SHC4: variants seen among roughly 807,000 people sequenced by gnomAD.
SHC4 encodes SHC-transforming protein 4.
Under a neutral mutation model 69.4 loss-of-function variants are expected in SHC4, and 41 were observed. That is an observed-to-expected ratio of 0.59 (90% confidence interval 0.46 to 0.77). SHC4 has a LOEUF of 0.77. SHC4 is among the 30% of genes least tolerant of loss of function. SHC4 has a pLI of 0.00. For missense variants in SHC4, 777 were observed against 783.8 expected (o/e 0.99, Z 0.10); for synonymous variants, 318 against 299.3 (o/e 1.06, Z -0.64).
At chr15:48,841,899 G>A (rs369408584) in intron 10 of SHC4, among the ~76,000 whole-genome samples, 5 of 152,118 alleles carry the variant, frequency 3.3e-5, no homozygotes, top group Admixed American at 1.3e-4. Context: ...CAGTTAAGAC[G>A]GTCTGCTGAG....
chr15:48,899,071 A>G (rs1401048343), intron 2 of SHC4, among the ~76,000 whole-genome samples: 1 of 151,480 alleles, frequency 6.6e-6, no homozygotes, highest in Non-Finnish European at 1.5e-5. Flanking sequence ...AACCGAAAAC[A>G]GGTCTTACTT....
At chr15:48,903,747 G>GTGTTTGTT (rs746093202) in intron 2 of SHC4, among the ~76,000 whole-genome samples, 7 of 152,050 alleles carry the variant, frequency 4.6e-5, no homozygotes. Context: ...CCAATATTAC[G>GTGTTTGTT]TGTTTGTTTG....
At chr15:48,873,435 A>G (rs994657378) in intron 4 of SHC4, among the ~76,000 whole-genome samples, 3 of 152,212 alleles carry the variant, frequency 2.0e-5, no homozygotes, top group African/African-American at 7.2e-5. Context: ...ACAAAGATCA[A>G]TGTCATTCCC....
intron 2 of SHC4, among the ~76,000 whole-genome samples, chr15:48,904,971 A>T (rs1282935334): frequency 1.6e-4 from 24 of 150,566 alleles, no homozygotes; most frequent in Non-Finnish European, 4.4e-5. Flanking sequence ...ACACACACAC[A>T]CGGATGGCAC....
Position 48,884,326 on chromosome 15 carries a change from A to T in SHC4, c.762T>A (p.Asn254Lys), listed in dbSNP as rs191028080. 2 of 1,610,342 alleles carry T rather than the reference A, an allele frequency of 1.2e-6. No homozygotes were observed. Among genetic ancestry groups the T allele is most frequent in the Admixed American group, 1.7e-5 (1 of 59,316 alleles). The change falls in exon 4 of 12, where the codon AAT becomes AAA. Residue 254 changes from asparagine to lysine, a missense_variant. Coordinates refer to ENST00000332408, the MANE Select transcript of SHC4 (RefSeq NM_203349.4). The stretch of plus-strand genomic sequence containing the variant: ...TTATATTCATTCCTGAAAACTGAAG[A>T]TTACTTTTGCCAAGGACTGTTGATA... ...KFLSTVLGKS[N>K]LQFSGMNIKL...
At chr15:48,847,076 TA>T (rs58905752) in intron 9 of SHC4, among the ~76,000 whole-genome samples, 5 of 150,060 alleles carry the variant, frequency 3.3e-5, no homozygotes, top group Admixed American at 6.6e-5. Flanking sequence ...TGCCTTAAAT[TA>T]AAAAAAAAGA....
chr15:48,932,827 T>C (rs1416703132), intron 1 of SHC4, among the ~76,000 whole-genome samples: 1 of 152,180 alleles, frequency 6.6e-6, no homozygotes, highest in Non-Finnish European at 1.5e-5. Flanking sequence ...GTATCTCTTT[T>C]ATAGCAAGAA....
Position 48,828,611 on chromosome 15 carries a change from CCCA to C in SHC4, c.1738-2488_1738-2486del, listed in dbSNP as rs1351684488. ...CATAGAGGCTGTACAATTTTACACA[CCCA>C]CCAATAGTGCACGAGGGCACCAATT... On this transcript the variant is annotated intron_variant, in intron 11 of 11. Coordinates refer to ENST00000332408, the MANE Select transcript of SHC4 (RefSeq NM_203349.4). Among the ~76,000 whole-genome samples, 5 of 152,246 alleles carry C rather than the reference CCCA, an allele frequency of 3.3e-5. No homozygotes were observed. The Middle Eastern group carries it at 0.01, about 311-fold the overall frequency.
chr15:48,939,739 T>C (rs1901140448), intron 1 of SHC4, among the ~76,000 whole-genome samples: 1 of 152,212 alleles, frequency 6.6e-6, no homozygotes, highest in Non-Finnish European at 1.5e-5. Flanking sequence ...CCCAGCCCAC[T>C]TCTCAGACCC....
At chr15:48,843,130 A>C (rs1899024045) in intron 10 of SHC4, among the ~76,000 whole-genome samples, 1 of 152,142 alleles carries the variant, frequency 6.6e-6, no homozygotes. Flanking sequence ...AGGGAGATCA[A>C]GAAATAGAGA....
intron 4 of SHC4, among the ~76,000 whole-genome samples, chr15:48,874,818 T>C (rs565492063): frequency 6.6e-6 from 1 of 152,320 alleles, no homozygotes; most frequent in South Asian, 2.1e-4. Flanking sequence ...GTTGATGTAC[T>C]TCAGTTGTAC....
intron 1 of SHC4, among the ~76,000 whole-genome samples, chr15:48,925,234 A>G (rs1287214852): frequency 6.6e-6 from 1 of 152,244 alleles, no homozygotes; most frequent in Non-Finnish European, 1.5e-5. Flanking sequence ...GGGCCAGATC[A>G]TGTGAATTTG....
intron 4 of SHC4, among the ~76,000 whole-genome samples, chr15:48,882,951 C>CCA (rs1899970868): frequency 6.6e-6 from 1 of 152,198 alleles, no homozygotes; most frequent in Non-Finnish European, 1.5e-5. Context: ...CTTGGAAGAT[C>CCA]AGTCAGGACC....
chr15:48,926,925 T>G (rs1033514045), intron 1 of SHC4, among the ~76,000 whole-genome samples: 3 of 152,040 alleles, frequency 2.0e-5, no homozygotes, highest in African/African-American at 4.8e-5. Context: ...TCTTGGGATC[T>G]CTAGTACTGA....
At chr15:48,886,630 C>T (rs1019720789) in intron 3 of SHC4, among the ~76,000 whole-genome samples, 2 of 152,198 alleles carry the variant, frequency 1.3e-5, no homozygotes, top group Non-Finnish European at 2.9e-5. Flanking sequence ...ACTACTATCA[C>T]TTCCATTCTT....
intron 1 of SHC4, among the ~76,000 whole-genome samples, chr15:48,933,373 G>A (rs115920993): frequency 1.5e-3 from 235 of 152,266 alleles, no homozygotes; most frequent in African/African-American, 5.5e-3. Flanking sequence ...AATCTGATAG[G>A]ATAAGCTTAC....
intron 5 of SHC4, among the ~76,000 whole-genome samples, chr15:48,870,229 G>C (rs78866391): frequency 6.6e-6 from 1 of 152,180 alleles, no homozygotes; most frequent in Non-Finnish European, 1.5e-5. Context: ...TTTCAGCCTG[G>C]ATTCAGTTGA....
intron 2 of SHC4, among the ~76,000 whole-genome samples, chr15:48,922,576 G>A (rs1015793504): frequency 6.6e-6 from 1 of 152,146 alleles, no homozygotes; most frequent in Admixed American, 6.5e-5. Context: ...AATCCCACTC[G>A]TGAGGGCTCT....
intron 6 of SHC4, among the ~76,000 whole-genome samples, chr15:48,864,056 AT>A (rs957420244): frequency 2.0e-5 from 3 of 151,842 alleles, no homozygotes; most frequent in African/African-American, 7.3e-5. Flanking sequence ...TTCTTTGCCT[AT>A]TTTTTTTATT....
Sources: gnomAD v4.1 joint callset for allele counts (sites outside exome capture counted in the v4.1 genomes callset) on GRCh38, gnomAD v4.1.1 for gene constraint, MANE v1.5 for transcripts, NCBI Gene and HGNC (gene_info 2026-07-23, HGNC 2026-07-21) for gene names.